Variants in TOX2 observed in about 807,000 individuals in gnomAD.
TOX2 encodes the protein granulosa cell HMG box 1.
TOX2 carries 15 observed loss-of-function variants against 47.4 expected under a neutral mutation model. The ratio of observed to expected loss-of-function variants is 0.32; its 90% CI spans 0.21 to 0.49. The LOEUF is 0.49. Ranked by LOEUF, TOX2 falls within the 20% of genes least tolerant of loss-of-function variation. The pLI, the probability that TOX2 is intolerant of heterozygous loss-of-function variation, is 0.99. For synonymous variants in TOX2, 290 were observed against 296.6 expected, an observed-to-expected ratio of 0.98 and a Z score of 0.23; for missense variants, 622 against 673.1, an observed-to-expected ratio of 0.92 and a Z score of 0.84.
chr20:43,983,295 G>A (rs926810849), intron 2 of TOX2, among the ~76,000 whole-genome samples: 3 of 152,140 alleles, frequency 2.0e-5, no homozygotes, highest in Non-Finnish European at 2.9e-5. Flanking sequence ...CTTGGAGTTC[G>A]TGATTCTTGC....
chr20:44,009,465 A>C (rs2070744367), intron 3 of TOX2, among the ~76,000 whole-genome samples: 1 of 152,206 alleles, frequency 6.6e-6, no homozygotes, highest in South Asian at 2.1e-4. Context: ...TGGGTCCATC[A>C]ATAATGCAAG....
At chr20:43,954,345 C>T (rs1395847964) in intron 1 of TOX2, among the ~76,000 whole-genome samples, 10 of 152,244 alleles carry the variant, frequency 6.6e-5, no homozygotes, top group Non-Finnish European at 1.5e-4. Flanking sequence ...TGTCTCCACA[C>T]TTCCTGTGTT....
intron 3 of TOX2, among the ~76,000 whole-genome samples, chr20:44,022,487 G>C (rs1410026645): frequency 6.6e-6 from 1 of 152,158 alleles, no homozygotes; most frequent in African/African-American, 2.4e-5. Flanking sequence ...CCACATAGAG[G>C]GCTCTGTATC....
chr20:43,924,357 T>C (rs1036731165), intron 1 of TOX2, among the ~76,000 whole-genome samples: 6 of 141,984 alleles, frequency 4.2e-5, no homozygotes, highest in African/African-American at 1.6e-4. Flanking sequence ...ATTAATGGAG[T>C]TTTTAGGGGC....
chr20:43,924,237 C>T (rs2143558), intron 1 of TOX2, among the ~76,000 whole-genome samples: 35,451 of 152,154 alleles, frequency 0.23, 6,478 homozygotes, highest in East Asian at 0.48. Context: ...GATGGTCACT[C>T]ACTTGCTCAA....
chr20:43,966,686 G>A (rs1195694816), intron 1 of TOX2, among the ~76,000 whole-genome samples: 1 of 151,786 alleles, frequency 6.6e-6, no homozygotes, highest in Non-Finnish European at 1.5e-5. Flanking sequence ...CCTGGGAGGT[G>A]GAGGTTGCAG....
At chr20:43,933,322 C>G (rs1031871083) in intron 1 of TOX2, among the ~76,000 whole-genome samples, 2 of 152,234 alleles carry the variant, frequency 1.3e-5, no homozygotes, top group Admixed American at 1.3e-4. Flanking sequence ...GGTTAATACC[C>G]AGGTTAGTTG....
rs1193782520 is a variant in TOX2 at position 44,065,991 on chromosome 20, G to T, written c.1240G>T (p.Gly414Cys). Reference protein sequence around the residue: ...QQLSLPPHAQGALLSPPVSMS... With the variant: ...QQLSLPPHAQCALLSPPVSMS... ...GCTGTCACTGCCCCCTCACGCCCAG[G>T]GCGCCCTCCTCAGTCCACCTGTTAG... Residue 414 changes from glycine (G) to cysteine (C), a missense_variant, in exon 7 of 9, where the codon GGC becomes TGC. Transcript: ENST00000341197. 6 of 1,612,912 alleles carry T rather than the reference G, an allele frequency of 3.7e-6. No homozygotes were observed. Among genetic ancestry groups the T allele is most frequent in the African/African-American group, 1.3e-5 (1 of 74,992 alleles).
chr20:43,977,654 A>C (rs2070105647), intron 2 of TOX2, among the ~76,000 whole-genome samples: 1 of 151,700 alleles, frequency 6.6e-6, no homozygotes, highest in East Asian at 1.9e-4. Flanking sequence ...TAGCTGCTTT[A>C]GCTTCTACAA....
chr20:44,023,956 C>T (rs2071019023), intron 3 of TOX2, among the ~76,000 whole-genome samples: 2 of 152,166 alleles, frequency 1.3e-5, no homozygotes, highest in Admixed American at 1.3e-4. Context: ...CACATCCCCT[C>T]TCCCTTAGCC....
intron 2 of TOX2, among the ~76,000 whole-genome samples, chr20:43,996,502 C>A (rs1464630248): frequency 6.6e-6 from 1 of 152,208 alleles, no homozygotes; most frequent in Non-Finnish European, 1.5e-5. Context: ...TACTGGTAGG[C>A]AGGGCTTCTT....
chr20:44,007,456 G>T (rs1211584701), intron 3 of TOX2: 3 of 152,476 alleles, frequency 2.0e-5, no homozygotes, highest in Non-Finnish European at 4.4e-5. Context: ...AACAGAGCAG[G>T]TCAAAACTCC....
chr20:43,920,010 C>G (rs1568996765), intron 1 of TOX2, among the ~76,000 whole-genome samples: 1 of 152,188 alleles, frequency 6.6e-6, no homozygotes, highest in Non-Finnish European at 1.5e-5. Context: ...AGATTGGATT[C>G]AGTTGGTCTG....
At chr20:44,065,024 C>T (rs568665327) in intron 6 of TOX2, among the ~76,000 whole-genome samples, 167 bp downstream of exon 6, 2 of 152,346 alleles carry the variant, frequency 1.3e-5, no homozygotes, top group South Asian at 4.1e-4. Context: ...CAGGCTCATT[C>T]TGGGCACTTT....
chr20:44,054,726 A>G (rs556480047), intron 5 of TOX2, among the ~76,000 whole-genome samples, 200 bp downstream of exon 5: 3 of 152,330 alleles, frequency 2.0e-5, no homozygotes, highest in Admixed American at 6.5e-5. Context: ...TTTACTAGCA[A>G]CTTAACCACT....
intron 3 of TOX2, chr20:44,038,894 C>A (rs1193773570): frequency 8.9e-7 from 1 of 1,124,236 alleles, no homozygotes; most frequent in Non-Finnish European, 1.1e-6. Flanking sequence ...CCCTGCGAAG[C>A]TATTAAGCTC....
intron 5 of TOX2, among the ~76,000 whole-genome samples, chr20:44,057,996 G>GT (rs1440846881): frequency 1.4e-5 from 2 of 146,184 alleles, no homozygotes; most frequent in East Asian, 3.9e-4. Context: ...AAAAATGGCA[G>GT]GAAGGAGGCA....
At chr20:44,010,610 C>T (rs547933913) in intron 3 of TOX2, among the ~76,000 whole-genome samples, 17 of 152,204 alleles carry the variant, frequency 1.1e-4, no homozygotes, top group African/African-American at 3.6e-4. Flanking sequence ...GACAAAGGGG[C>T]GTGGCTCTGT....
intron 3 of TOX2, among the ~76,000 whole-genome samples, chr20:44,045,417 C>T (rs560364865): frequency 6.6e-6 from 1 of 152,328 alleles, no homozygotes; most frequent in Non-Finnish European, 1.5e-5. Flanking sequence ...GTCTGCTGGA[C>T]AATGCCCCGC....
Sources: allele counts gnomAD v4.1 joint callset (sites outside exome capture counted in the v4.1 genomes callset), GRCh38; gene constraint gnomAD v4.1.1; transcripts MANE v1.5; gene names NCBI Gene and HGNC (gene_info 2026-07-23, HGNC 2026-07-21).